Variants in TSNARE1 observed in about 807,000 individuals in gnomAD.
The protein encoded by TSNARE1 is t-SNARE domain-containing protein 1.
A neutral mutation model predicts 62.0 loss-of-function variants in TSNARE1; 49 were observed. That is an observed-to-expected ratio of 0.79 (90% CI 0.63 to 1.00). The LOEUF is 1.00. Among genes scored for constraint, TSNARE1 ranks in the 50% least tolerant of loss-of-function variants. The probability of loss-of-function intolerance (pLI) is 0.00; values close to 1 mark genes in which losing one functional copy is unlikely to be tolerated. For missense variants in TSNARE1, 755 were observed against 700.1 expected, an observed-to-expected ratio of 1.08 and a Z score of -0.88; for synonymous variants, 328 against 294.4, an observed-to-expected ratio of 1.11 and a Z score of -1.17.
chr8:142,235,264 T>A (rs143209555), intron 12 of TSNARE1, among the ~76,000 whole-genome samples: 2,091 of 151,554 alleles, frequency 0.014, 45 homozygotes, highest in African/African-American at 0.047. Flanking sequence ...AGGACGTGAC[T>A]CACCCAGGAT....
rs1563760622 is a variant in TSNARE1 at position 142,227,054 on chromosome 8, G to GAA, written c.*11+2418_*11+2419insTT. ...GCACCCACACAGCAGTGACAGCCAG[G>GAA]CCCCCCACTGCACCCACACAGCAGT... is the stretch of plus-strand genomic sequence containing the variant. On this transcript the variant is annotated intron_variant, in intron 13 of 13. Transcript: ENST00000524325. 8.5e-4 allele frequency among the ~76,000 whole-genome samples: 120 copies of GAA among 141,688 alleles called. 1 individual carries two copies. The highest frequency in any genetic ancestry group is 9.2e-4 in the Non-Finnish European group (62 of 67,104). The allele number at this position is 141,688 out of a possible 152,430, so 93.0% of individuals were successfully genotyped here.
intron 12 of TSNARE1, among the ~76,000 whole-genome samples, chr8:142,259,446 C>T (rs1818747835): frequency 6.6e-6 from 1 of 152,174 alleles, no homozygotes; most frequent in South Asian, 2.1e-4. Context: ...CATACCCCTA[C>T]AGGCTGTCCT....
At chr8:142,350,847 G>C (rs553230376) in intron 2 of TSNARE1, among the ~76,000 whole-genome samples, 1 of 152,248 alleles carries the variant, frequency 6.6e-6, no homozygotes, top group Non-Finnish European at 1.5e-5. Context: ...AAGAGATGGA[G>C]GGAAGCCAGA....
intron 12 of TSNARE1, among the ~76,000 whole-genome samples, chr8:142,243,281 T>C (rs1817746165): frequency 6.6e-6 from 1 of 152,180 alleles, no homozygotes; most frequent in East Asian, 1.9e-4. Flanking sequence ...AACCGGTATG[T>C]CAAAGGGGAC....
At chr8:142,273,160 A>G (rs1586932154) in intron 12 of TSNARE1, 2 of 985,348 alleles carry the variant, frequency 2.0e-6, no homozygotes, top group Non-Finnish European at 2.4e-6. Flanking sequence ...TGGCTGGCCC[A>G]GTTGCCACTG....
chr8:142,216,788 C>T (rs892954943), intron 13 of TSNARE1, among the ~76,000 whole-genome samples: 1 of 152,220 alleles, frequency 6.6e-6, no homozygotes, highest in African/African-American at 2.4e-5. Flanking sequence ...TGGCACCGAC[C>T]CTGCCTGGTT....
At chr8:142,278,320 C>T in intron 11 of TSNARE1, 2 of 985,466 alleles carry the variant, frequency 2.0e-6, no homozygotes, top group Non-Finnish European at 1.2e-6. Context: ...CCCAGCGCTC[C>T]AAGTTCTGCC....
rs532821230 is a variant in TSNARE1, at chr8:142,333,274, G to A, written c.746-1443C>T. Reference sequence around the variant, plus strand: ...AGCAGCGTTCAGAAGGAAGCACGGGGGGCCGAGCTCGCTCCGAAACGCATG... The same window carrying A: ...AGCAGCGTTCAGAAGGAAGCACGGGAGGCCGAGCTCGCTCCGAAACGCATG... On this transcript the variant is annotated intron_variant, in intron 4 of 13. Coordinates refer to ENST00000524325, the MANE Select transcript of TSNARE1 (RefSeq NM_145003.5). Among the ~76,000 whole-genome samples the A allele has an allele frequency of 4.6e-5, 7 of 152,294 alleles. No individual in the cohort carries two copies. The South Asian group carries it at 1.5e-3, about 32-fold the overall frequency.
intron 9 of TSNARE1, among the ~76,000 whole-genome samples, chr8:142,302,325 G>A (rs368054240): frequency 7.9e-5 from 12 of 152,146 alleles, no homozygotes; most frequent in East Asian, 3.9e-4. Flanking sequence ...CAGCTGACTC[G>A]TCCGGCCACT....
chr8:142,226,103 C>T (rs941412648), intron 13 of TSNARE1, among the ~76,000 whole-genome samples: 1 of 152,220 alleles, frequency 6.6e-6, no homozygotes, highest in Non-Finnish European at 1.5e-5. Context: ...ATTACATCTG[C>T]AAAGACCCTG....
chr8:142,218,999 A>G (rs1816079546), intron 13 of TSNARE1, among the ~76,000 whole-genome samples: 1 of 152,146 alleles, frequency 6.6e-6, no homozygotes, highest in Non-Finnish European at 1.5e-5. Flanking sequence ...TTTCAGAACG[A>G]GCTTTGCAGC....
intron 13 of TSNARE1, among the ~76,000 whole-genome samples, chr8:142,222,507 C>CTCACTCAT (rs1816382673): frequency 1.6e-5 from 1 of 60,784 alleles, no homozygotes; most frequent in Non-Finnish European, 3.5e-5. Flanking sequence ...CACTCATCCA[C>CTCACTCAT]TCACTCACTC....
intron 10 of TSNARE1, among the ~76,000 whole-genome samples, chr8:142,293,307 C>T (rs775835914): frequency 5.9e-5 from 9 of 152,216 alleles, no homozygotes; most frequent in East Asian, 1.9e-4. Context: ...AGGGCCGGGA[C>T]GCTTGAAGGA....
At chr8:142,298,409 G>A (rs528326666) in intron 10 of TSNARE1, among the ~76,000 whole-genome samples, 1 of 152,292 alleles carries the variant, frequency 6.6e-6, no homozygotes, top group East Asian at 1.9e-4. Flanking sequence ...TCCTGGGGTG[G>A]CTGCACCGGG....
At chr8:142,307,067 C>T (rs1033048792) in intron 9 of TSNARE1, among the ~76,000 whole-genome samples, 18 of 152,214 alleles carry the variant, frequency 1.2e-4, no homozygotes, top group African/African-American at 4.3e-4. Flanking sequence ...CAGTCTATCC[C>T]CTTGGGTCTC....
intron 12 of TSNARE1, among the ~76,000 whole-genome samples, chr8:142,260,250 A>G (rs2130386405): frequency 6.6e-6 from 1 of 152,260 alleles, no homozygotes; most frequent in East Asian, 1.9e-4. Context: ...AAAAAGTCAA[A>G]TCATGATTTC....
chr8:142,370,961 CTG>C (rs1835877792), intron 1 of TSNARE1, among the ~76,000 whole-genome samples: 1 of 152,084 alleles, frequency 6.6e-6, no homozygotes, highest in African/African-American at 2.4e-5. Context: ...AGCATTCTGA[CTG>C]GAAATGTCAG....
At chr8:142,330,267 C>A (rs1184171285) in intron 6 of TSNARE1, among the ~76,000 whole-genome samples, 1 of 152,212 alleles carries the variant, frequency 6.6e-6, no homozygotes, top group Non-Finnish European at 1.5e-5. Flanking sequence ...CTAACCACAC[C>A]CAGGGCAGGT....
At chr8:142,295,452 C>T (rs191178845) in intron 10 of TSNARE1, among the ~76,000 whole-genome samples, 173 of 152,334 alleles carry the variant, frequency 1.1e-3, no homozygotes, top group Middle Eastern at 0.01. Context: ...CCTCTAACAC[C>T]CCTGTGTATG....
Sources: allele counts gnomAD v4.1 joint callset (sites outside exome capture counted in the v4.1 genomes callset), GRCh38; gene constraint gnomAD v4.1.1; transcripts MANE v1.5; gene names NCBI Gene and HGNC (gene_info 2026-07-23, HGNC 2026-07-21).